PTPRD: variants seen among roughly 807,000 people sequenced by gnomAD.
The protein encoded by PTPRD is protein tyrosine phosphatase receptor type D, also known as receptor-type tyrosine-protein phosphatase delta.
PTPRD carries 34 observed loss-of-function variants against 214.5 expected under a neutral mutation model. The ratio of observed to expected loss-of-function variants is 0.16; its 90% CI spans 0.12 to 0.21. The LOEUF (loss-of-function observed/expected upper bound fraction) is 0.21, where lower values mean the gene tolerates loss of function less well. Among genes scored for constraint, PTPRD ranks in the 10% least tolerant of loss-of-function variants. PTPRD has a pLI of 1.00. For missense variants in PTPRD, 2,545 were observed against 2,398.7 expected (o/e 1.06, Z -1.27); for synonymous variants, 1,128 against 845.7 (o/e 1.33, Z -5.79).
At chr9:9,862,678 A>C (rs1476613272) in intron 5 of PTPRD, among the ~76,000 whole-genome samples, 3 of 116,526 alleles carry the variant, frequency 2.6e-5, no homozygotes, top group African/African-American at 6.6e-5. Flanking sequence ...GAGCTCCCCA[A>C]GTTCTGCCTG....
chr9:9,743,477 G>A (rs375918177), intron 6 of PTPRD, among the ~76,000 whole-genome samples: 4 of 152,118 alleles, frequency 2.6e-5, no homozygotes, highest in East Asian at 3.9e-4. Context: ...CTAGGTCAGC[G>A]CTTGTACTCA....
chr9:8,946,284 C>T (rs2099063669), intron 11 of PTPRD, among the ~76,000 whole-genome samples: 1 of 152,068 alleles, frequency 6.6e-6, no homozygotes, highest in Non-Finnish European at 1.5e-5. Flanking sequence ...GTCATCATGG[C>T]TTGAGATAAA....
chr9:10,091,725 G>A (rs549455554), intron 3 of PTPRD, among the ~76,000 whole-genome samples: 1 of 151,322 alleles, frequency 6.6e-6, no homozygotes, highest in Non-Finnish European at 1.5e-5. Flanking sequence ...TAATAAGACT[G>A]TTACAGATCA....
At chr9:10,140,545 C>T (rs1813157225) in intron 3 of PTPRD, among the ~76,000 whole-genome samples, 1 of 151,974 alleles carries the variant, frequency 6.6e-6, no homozygotes. Context: ...CAAGACTAAA[C>T]CAGGAAGGAG....
chr9:10,470,486 G>A (rs1450007617), intron 2 of PTPRD, among the ~76,000 whole-genome samples: 40 of 152,104 alleles, frequency 2.6e-4, no homozygotes, highest in Non-Finnish European at 2.9e-5. Flanking sequence ...ATGTTTCAAT[G>A]TATATTATGT....
intron 9 of PTPRD, among the ~76,000 whole-genome samples, chr9:9,235,560 G>C (rs901611525): frequency 1.3e-5 from 2 of 152,002 alleles, no homozygotes; most frequent in Non-Finnish European, 2.9e-5. Flanking sequence ...CCTTATGAGG[G>C]GTGAGAAAAG....
intron 4 of PTPRD, among the ~76,000 whole-genome samples, chr9:9,962,337 A>C (rs951120312): frequency 8.5e-5 from 13 of 152,118 alleles, no homozygotes; most frequent in African/African-American, 2.9e-4. Flanking sequence ...AAACACAATA[A>C]AGGAAGCTAA....
intron 2 of PTPRD, among the ~76,000 whole-genome samples, chr9:10,571,645 A>G (rs2067470072): frequency 6.6e-6 from 1 of 152,172 alleles, no homozygotes; most frequent in Admixed American, 6.6e-5. Flanking sequence ...AAATGCCAAT[A>G]TATAAAACAG....
Position 10,327,464 on chromosome 9 carries a change from C to CA in PTPRD, c.-545+13498dup, listed in dbSNP as rs201930835. ...AATTAAAGGAATTATTGTAAGGTCT[C>CA]ACGTGTGTGTGTACCAGAAAGATTT... On this transcript the variant is annotated intron_variant, in intron 3 of 45. Coordinates refer to ENST00000381196, the MANE Select transcript of PTPRD (RefSeq NM_002839.4). 3.2e-3 allele frequency among the ~76,000 whole-genome samples: 492 copies of CA among 151,512 alleles called. 5 individuals carry two copies. The highest frequency in any genetic ancestry group is 0.013 in the East Asian group (69 of 5,128).
chr9:8,514,765 T>A (rs1592484875), intron 21 of PTPRD, among the ~76,000 whole-genome samples: 1 of 152,170 alleles, frequency 6.6e-6, no homozygotes, highest in Non-Finnish European at 1.5e-5. Context: ...TGGTAGTTGA[T>A]AATGATTAGG....
intron 8 of PTPRD, among the ~76,000 whole-genome samples, chr9:9,406,171 T>A (rs2073253783): frequency 6.6e-6 from 1 of 151,998 alleles, no homozygotes; most frequent in African/African-American, 2.4e-5. Context: ...CAAATGTTTT[T>A]GAAACACATT....
intron 9 of PTPRD, among the ~76,000 whole-genome samples, chr9:9,254,868 G>C (rs2099977059): frequency 6.6e-6 from 1 of 151,992 alleles, no homozygotes; most frequent in Non-Finnish European, 1.5e-5. Flanking sequence ...AGATTCTGGA[G>C]AATACAATTT....
chr9:9,496,321 C>G (rs2096184726), intron 8 of PTPRD, among the ~76,000 whole-genome samples: 1 of 151,982 alleles, frequency 6.6e-6, no homozygotes, highest in Admixed American at 6.6e-5. Flanking sequence ...ATATTAAAGT[C>G]AAATATTTGA....
At chr9:8,644,926 C>A (rs143441982) in intron 12 of PTPRD, among the ~76,000 whole-genome samples, 2 of 152,254 alleles carry the variant, frequency 1.3e-5, no homozygotes, top group African/African-American at 2.4e-5. Flanking sequence ...CGGGCCTGAG[C>A]AAAACTTGGA....
intron 5 of PTPRD, among the ~76,000 whole-genome samples, chr9:9,851,044 T>C (rs1470362517): frequency 6.6e-6 from 1 of 152,206 alleles, no homozygotes; most frequent in Admixed American, 6.6e-5. Flanking sequence ...TAACTTCAGA[T>C]TCTTTATCTG....
chr9:9,042,614 C>T (rs113545502), intron 10 of PTPRD, among the ~76,000 whole-genome samples: 194 of 112,356 alleles, frequency 1.7e-3, no homozygotes, highest in African/African-American at 6.5e-3. Flanking sequence ...TCTTTTTTTT[C>T]TTTTCTTTTT....
intron 6 of PTPRD, among the ~76,000 whole-genome samples, chr9:9,743,092 C>G (rs1484556240): frequency 6.6e-6 from 1 of 152,174 alleles, no homozygotes; most frequent in African/African-American, 2.4e-5. Context: ...TCTGTTCCCA[C>G]ATAGCCTTAC....
intron 10 of PTPRD, among the ~76,000 whole-genome samples, chr9:9,029,536 A>G (rs1205810492): frequency 1.3e-5 from 2 of 151,944 alleles, no homozygotes; most frequent in Non-Finnish European, 2.9e-5. Flanking sequence ...TGCCAGAGAC[A>G]TTACAAAAGA....
chr9:9,496,196 T>TA (rs770169220), intron 8 of PTPRD, among the ~76,000 whole-genome samples: 57 of 151,910 alleles, frequency 3.8e-4, no homozygotes, highest in Middle Eastern at 3.4e-3. Context: ...GCAACAAAAT[T>TA]AAAAAAATAG....
Sources: allele counts gnomAD v4.1 joint callset (sites outside exome capture counted in the v4.1 genomes callset), GRCh38; gene constraint gnomAD v4.1.1; transcripts MANE v1.5; gene names NCBI Gene and HGNC (gene_info 2026-07-23, HGNC 2026-07-21).